CSGALNACT1: variants seen among roughly 807,000 people sequenced by gnomAD.
The protein encoded by CSGALNACT1 is chondroitin sulfate N-acetylgalactosaminyltransferase 1.
CSGALNACT1 carries 52 observed loss-of-function variants against 51.0 expected under a neutral mutation model. The ratio of observed to expected loss-of-function variants is 1.02; its 90% CI spans 0.82 to 1.29. The LOEUF is 1.29. CSGALNACT1 is among the 50% of genes most tolerant of loss of function. CSGALNACT1 has a pLI of 0.00. For missense variants in CSGALNACT1, 935 were observed against 679.2 expected (o/e 1.38, Z -4.19); for synonymous variants, 341 against 254.4 (o/e 1.34, Z -3.24).
At chr8:19,753,226 C>T (rs2065151214) in intron 1 of CSGALNACT1, among the ~76,000 whole-genome samples, 1 of 152,042 alleles carries the variant, frequency 6.6e-6, no homozygotes, top group East Asian at 1.9e-4. Context: ...TGCGCAGAAT[C>T]CTAAAAGTAA....
intron 3 of CSGALNACT1, among the ~76,000 whole-genome samples, chr8:19,589,606 T>C (rs1014004148): frequency 3.9e-5 from 6 of 152,166 alleles, no homozygotes; most frequent in African/African-American, 1.2e-4. Flanking sequence ...GCTGGGATTA[T>C]AGGTGTTAGC....
chr8:19,636,678 G>A (rs1384242252), intron 1 of CSGALNACT1, among the ~76,000 whole-genome samples: 2 of 152,116 alleles, frequency 1.3e-5, no homozygotes, highest in Non-Finnish European at 2.9e-5. Context: ...CGGTAGTGCT[G>A]TCCCCAAATG....
intron 1 of CSGALNACT1, among the ~76,000 whole-genome samples, chr8:19,698,769 AC>A (rs2061709397): frequency 7.4e-6 from 1 of 134,806 alleles, no homozygotes; most frequent in South Asian, 2.4e-4. Flanking sequence ...TGGATAACCC[AC>A]AAAAAAAAAT....
chr8:19,606,470 T>G (rs1419930714), upstream of CSGALNACT1, among the ~76,000 whole-genome samples: 5 of 152,186 alleles, frequency 3.3e-5, no homozygotes, highest in Admixed American at 1.3e-4. Context: ...CTATACAATA[T>G]CCTTAACCAC....
intron 1 of CSGALNACT1, among the ~76,000 whole-genome samples, chr8:19,646,299 C>T (rs1348018708): frequency 6.6e-6 from 1 of 152,170 alleles, no homozygotes; most frequent in African/African-American, 2.4e-5. Flanking sequence ...GACAAAGCTC[C>T]AGCCATCCCC....
At chr8:19,703,954 C>T (rs553773664) in intron 1 of CSGALNACT1, among the ~76,000 whole-genome samples, 9 of 152,294 alleles carry the variant, frequency 5.9e-5, no homozygotes, top group Non-Finnish European at 1.2e-4. Context: ...GACATCTTTC[C>T]TGAGAGCTGT....
chr8:19,513,434 C>CTCTCTCTATATA (rs2078859604), intron 3 of CSGALNACT1, among the ~76,000 whole-genome samples: 1 of 66,534 alleles, frequency 1.5e-5, no homozygotes, highest in African/African-American at 4.7e-5. Flanking sequence ...CTCTCTCTCT[C>CTCTCTCTATATA]TCTATATATA....
chr8:19,583,008 G>A (rs531756495), intron 3 of CSGALNACT1, among the ~76,000 whole-genome samples: 37 of 152,216 alleles, frequency 2.4e-4, no homozygotes, highest in African/African-American at 8.4e-4. Flanking sequence ...TTAGACCACT[G>A]ACAACCACTG....
intron 3 of CSGALNACT1, among the ~76,000 whole-genome samples, chr8:19,568,762 T>C (rs971667818): frequency 1.3e-5 from 2 of 152,162 alleles, no homozygotes; most frequent in African/African-American, 4.8e-5. Flanking sequence ...ATTGCAGTAA[T>C]TTGAAATTTC....
chr8:19,680,605 T>A (rs2060544439), intron 1 of CSGALNACT1, among the ~76,000 whole-genome samples: 1 of 122,810 alleles, frequency 8.1e-6, no homozygotes, highest in East Asian at 2.5e-4. Flanking sequence ...AGTGCAAATT[T>A]TAAATACAGT....
chr8:19,689,856 G>C (rs2061191445), intron 1 of CSGALNACT1, among the ~76,000 whole-genome samples: 1 of 152,224 alleles, frequency 6.6e-6, no homozygotes. Context: ...AAGTGACGTA[G>C]AGTAACCTGA....
intron 9 of CSGALNACT1, among the ~76,000 whole-genome samples, chr8:19,407,466 G>A (rs377453551): frequency 4.6e-5 from 7 of 152,190 alleles, no homozygotes; most frequent in East Asian, 1.9e-4. Context: ...TCAACGTTTC[G>A]GGACTGTTCA....
At chr8:19,684,081 G>C (rs959736937), upstream of CSGALNACT1, among the ~76,000 whole-genome samples, 1 of 152,222 alleles carries the variant, frequency 6.6e-6, no homozygotes, top group Non-Finnish European at 1.5e-5. Context: ...CAGGAGAATC[G>C]TATGAGCCTG....
rs140303944 is a variant in CSGALNACT1, at chr8:19,567,211, T to C, written c.-297+23949A>G. On this transcript the variant is annotated intron_variant, in intron 3 of 9. Coordinates refer to ENST00000454498, the Ensembl canonical transcript of CSGALNACT1. The stretch of plus-strand genomic sequence containing the variant: ...AAAAACCCCAGATGTCCTGAGCTGA[T>C]CATGAGCCAGTACTTGCTCAGAACC... 4.5e-3 allele frequency among the ~76,000 whole-genome samples: 689 copies of C among 152,224 alleles called. 5 individuals are homozygous for C. The highest frequency in any genetic ancestry group is 0.016 in the African/African-American group (645 of 41,516).
chr8:19,614,652 G>GA (rs1317132031), intron 1 of CSGALNACT1, among the ~76,000 whole-genome samples: 1 of 151,978 alleles, frequency 6.6e-6, no homozygotes, highest in African/African-American at 2.4e-5. Context: ...ATTCTATATA[G>GA]GGCCTGGTAC....
intron 4 of CSGALNACT1, among the ~76,000 whole-genome samples, chr8:19,463,653 C>T (rs1222722003): frequency 2.0e-5 from 3 of 152,196 alleles, no homozygotes; most frequent in African/African-American, 4.8e-5. Flanking sequence ...AGCATCATTT[C>T]GTGCACTATG....
At chr8:19,443,855 C>G (rs1347536650) in intron 5 of CSGALNACT1, among the ~76,000 whole-genome samples, 4 of 152,098 alleles carry the variant, frequency 2.6e-5, no homozygotes, top group African/African-American at 4.8e-5. Context: ...GGACCAGTTT[C>G]ATGGAAGACA....
exon 4 of CSGALNACT1, chr8:19,505,794 C>T (rs754768298): frequency 3.7e-6 from 6 of 1,613,730 alleles, no homozygotes; most frequent in South Asian, 1.1e-5. Flanking sequence ...AACCACCACC[C>T]GGGAAATCCA....
At chr8:19,448,251 T>C (rs1478351594) in intron 5 of CSGALNACT1, among the ~76,000 whole-genome samples, 3 of 152,188 alleles carry the variant, frequency 2.0e-5, no homozygotes, top group Non-Finnish European at 1.5e-5. Context: ...GTCTAGGGAA[T>C]CGTGGATTCA....
Sources: allele counts gnomAD v4.1 joint callset (sites outside exome capture counted in the v4.1 genomes callset), GRCh38; gene constraint gnomAD v4.1.1; transcripts MANE v1.5; gene names NCBI Gene and HGNC (gene_info 2026-07-23, HGNC 2026-07-21).